The following NEK5 variants were observed in gnomAD, a reference collection of about 807,000 sequenced individuals.
The protein encoded by NEK5 is serine/threonine-protein kinase Nek5.
Under a neutral mutation model 109.2 loss-of-function variants are expected in NEK5, and 88 were observed. The ratio of observed to expected loss-of-function variants is 0.81; its 90% CI spans 0.68 to 0.96. The LOEUF (loss-of-function observed/expected upper bound fraction) is 0.96, where lower values mean the gene tolerates loss of function less well. NEK5 is among the 40% of genes least tolerant of loss of function. The pLI is 0.00. For synonymous variants in NEK5, 283 were observed against 299.9 expected (o/e 0.94, Z 0.58); for missense variants, 834 against 920.7 (o/e 0.91, Z 1.22).
At chr13:52,054,632 TCCCTGAC>T (rs926847617) in intron 22 of NEK5, among the ~76,000 whole-genome samples, 4 of 152,268 alleles carry the variant, frequency 2.6e-5, no homozygotes, top group South Asian at 2.1e-4. Context: ...CTCAAGTGGG[TCCCTGAC>T]CCCTGACCCC....
At chr13:52,103,482 G>A (rs894414496) in intron 9 of NEK5, among the ~76,000 whole-genome samples, 10 of 152,146 alleles carry the variant, frequency 6.6e-5, no homozygotes, top group African/African-American at 2.4e-4. Flanking sequence ...TGCAACCCTT[G>A]ACAATAATTA....
intron 11 of NEK5, among the ~76,000 whole-genome samples, chr13:52,100,968 T>C (rs999861802): frequency 2.0e-5 from 3 of 152,214 alleles, no homozygotes; most frequent in African/African-American, 7.2e-5. Flanking sequence ...CCTGATATTG[T>C]AAGTCCAGGC....
chr13:52,078,515 T>C (rs1004264892), intron 17 of NEK5, among the ~76,000 whole-genome samples: 6 of 152,180 alleles, frequency 3.9e-5, no homozygotes, highest in Admixed American at 3.9e-4. Flanking sequence ...GTTTCATGGG[T>C]GTGCCTGCCA....
intron 22 of NEK5, among the ~76,000 whole-genome samples, chr13:52,057,327 G>A (rs1443356261): frequency 6.6e-6 from 1 of 151,162 alleles, no homozygotes; most frequent in African/African-American, 2.4e-5. Context: ...ACCAAAAAGA[G>A]TCCAGGACCA....
intron 21 of NEK5, among the ~76,000 whole-genome samples, chr13:52,064,324 T>C (rs12877601): frequency 0.58 from 63,815 of 109,090 alleles, 19,206 homozygotes; most frequent in Non-Finnish European, 0.7. Context: ...CCCCTCTGCC[T>C]GGCCAGCCGC....
chr13:52,039,588 GC>G (rs1392516879), intron 23 of NEK5, among the ~76,000 whole-genome samples: 1 of 152,074 alleles, frequency 6.6e-6, no homozygotes, highest in African/African-American at 2.4e-5. Flanking sequence ...GAATTGATTT[GC>G]ATATTGTTTT....
intron 3 of NEK5, among the ~76,000 whole-genome samples, chr13:52,124,454 C>T (rs1436857645): frequency 6.6e-6 from 1 of 152,182 alleles, no homozygotes; most frequent in Non-Finnish European, 1.5e-5. Flanking sequence ...ACATTGCAAA[C>T]ATTGAAATTT....
chr13:52,077,355 T>C (rs115262395), intron 17 of NEK5, among the ~76,000 whole-genome samples: 1,842 of 152,248 alleles, frequency 0.012, 38 homozygotes, highest in African/African-American at 0.043. Context: ...TTTTAATACA[T>C]TAGACATCCA....
At chr13:52,037,922 C>CAA (rs58843405) in intron 23 of NEK5, among the ~76,000 whole-genome samples, 57,416 of 141,378 alleles carry the variant, frequency 0.41, 13,387 homozygotes, top group Middle Eastern at 0.54. Context: ...GACTCCGTCT[C>CAA]AAAAAAAAAA....
chr13:52,083,153 A>G (rs1291086597), intron 17 of NEK5, 107 bp downstream of exon 17: 14 of 737,422 alleles, frequency 1.9e-5, no homozygotes, highest in Non-Finnish European at 3.0e-5. Flanking sequence ...TCATAGAAAA[A>G]AAAAAAAAGT....
chr13:52,037,797 C>T (rs1159443872), intron 23 of NEK5, among the ~76,000 whole-genome samples: 1 of 152,166 alleles, frequency 6.6e-6, no homozygotes, highest in Non-Finnish European at 1.5e-5. Context: ...GTACCGGGCG[C>T]CTGTAGTCCC....
At chr13:52,041,758 C>G in intron 23 of NEK5, among the ~76,000 whole-genome samples, 1 of 134,340 alleles carries the variant, frequency 7.4e-6, no homozygotes, top group East Asian at 2.2e-4. Context: ...AAAAAATTCA[C>G]CTGGAAAGGA....
intron 12 of NEK5, among the ~76,000 whole-genome samples, chr13:52,097,905 AT>A (rs1955450186): frequency 7.9e-5 from 12 of 152,132 alleles, no homozygotes; most frequent in Non-Finnish European, 2.9e-5. Context: ...GTGGAAGGTG[AT>A]TAGATTATGG....
At chr13:52,050,609 ATCT>A (rs1954495248) in intron 22 of NEK5, among the ~76,000 whole-genome samples, 1 of 85,158 alleles carries the variant, frequency 1.2e-5, no homozygotes, top group Non-Finnish European at 2.6e-5. Context: ...ACACACCTTC[ATCT>A]TTTTTTTTTT....
intron 20 of NEK5, among the ~76,000 whole-genome samples, chr13:52,069,637 G>C (rs1195082481): frequency 1.3e-5 from 2 of 152,092 alleles, no homozygotes; most frequent in Non-Finnish European, 2.9e-5. Context: ...ATGTATTTTT[G>C]GTTGATGAAA....
At chr13:52,040,310 C>A (rs889957166) in intron 23 of NEK5, among the ~76,000 whole-genome samples, 1 of 152,042 alleles carries the variant, frequency 6.6e-6, no homozygotes, top group Non-Finnish European at 1.5e-5. Flanking sequence ...GTTTTGAACT[C>A]CTGACCTCAG....
chr13:52,113,139 T>G (rs968646220), intron 4 of NEK5, among the ~76,000 whole-genome samples: 2 of 151,900 alleles, frequency 1.3e-5, no homozygotes, highest in African/African-American at 4.8e-5. Context: ...AAAATAGCTA[T>G]TGACCTAAAT....
chr13:52,050,241 A>G lies in NEK5; in HGVS notation c.2111-20T>C. 5.4e-6 allele frequency: 5 copies of G among 924,884 alleles called. No individual in the cohort carries two copies. In the South Asian group the frequency reaches 2.5e-4, roughly 46 times the overall value. 57.3% of individuals were successfully genotyped at this position (924,884 alleles called of 1,614,324 possible). A position where few individuals can be genotyped will look rare whatever the true frequency, so the allele number is the denominator to read the frequency against. On this transcript the variant is annotated intron_variant, in intron 22 of 23. Transcript: ENST00000684899. ...CCATTGCTAAAGAAATGACAGAGAA[A>G]GATATGAAAGCATCCCAGCCTATAT...
chr13:52,075,132 A>G lies in NEK5; in HGVS notation c.1722+626T>C, dbSNP rs568145007. Among the ~76,000 whole-genome samples, 5 of 152,342 alleles carry G rather than the reference A, an allele frequency of 3.3e-5. 1 individual carries two copies. In the South Asian group the frequency reaches 1.0e-3, roughly 32 times the overall value. ...AATCCCATTACTGGGTATATATCCAAAAGAAAACAAACCATTCTACCAAAA... is the reference window on the plus strand; with the variant it reads ...AATCCCATTACTGGGTATATATCCAGAAGAAAACAAACCATTCTACCAAAA... On this transcript the variant is annotated intron_variant, in intron 19 of 23. Coordinates refer to ENST00000684899, the MANE Select transcript of NEK5 (RefSeq NM_001365552.1).
Sources: allele counts gnomAD v4.1 joint callset (sites outside exome capture counted in the v4.1 genomes callset), GRCh38; gene constraint gnomAD v4.1.1; transcripts MANE v1.5; gene names NCBI Gene and HGNC (gene_info 2026-07-23, HGNC 2026-07-21).